MAGI2: variants seen among roughly 807,000 people sequenced by gnomAD.
The protein encoded by MAGI2 is membrane associated guanylate kinase, WW and PDZ domain containing 2.
MAGI2 carries 35 observed loss-of-function variants against 133.3 expected under a neutral mutation model. The observed-to-expected ratio is 0.26, with a 90% CI of 0.20 to 0.35. The LOEUF (loss-of-function observed/expected upper bound fraction) is 0.35, where lower values mean the gene tolerates loss of function less well. Ranked by LOEUF, MAGI2 falls within the 10% of genes least tolerant of loss-of-function variation. The probability of loss-of-function intolerance (pLI) is 1.00; values close to 1 mark genes in which losing one functional copy is unlikely to be tolerated. For missense variants in MAGI2, 1,636 were observed against 1,863.4 expected, an observed-to-expected ratio of 0.88 and a Z score of 2.25; for synonymous variants, 729 against 710.6, an observed-to-expected ratio of 1.03 and a Z score of -0.41.
intron 20 of MAGI2, among the ~76,000 whole-genome samples, chr7:78,099,101 T>C (rs948141548): frequency 4.6e-5 from 7 of 152,206 alleles, no homozygotes; most frequent in Non-Finnish European, 1.0e-4. Context: ...CTATGCTTTA[T>C]CTCTCTACTT....
At chr7:78,735,155 C>T (rs1264053907) in intron 2 of MAGI2, among the ~76,000 whole-genome samples, 2 of 152,086 alleles carry the variant, frequency 1.3e-5, no homozygotes, top group African/African-American at 4.8e-5. Context: ...TACAGATTGC[C>T]CAGTAGTTCT....
intron 10 of MAGI2, among the ~76,000 whole-genome samples, chr7:78,222,400 G>A (rs1365634089): frequency 2.6e-5 from 4 of 152,150 alleles, no homozygotes; most frequent in African/African-American, 9.7e-5. Context: ...CACATTTCCT[G>A]GGTCCTTATT....
intron 21 of MAGI2, among the ~76,000 whole-genome samples, chr7:78,033,472 C>CA (rs199985014): frequency 0.046 from 6,050 of 131,956 alleles, 224 homozygotes; most frequent in African/African-American, 0.078. Flanking sequence ...GAGCTTGTCT[C>CA]AAAAAAAAAA....
In MAGI2 at chr7:78,487,249, A is replaced by G. The variant is rs537288716; in HGVS notation, c.1045+2512T>C. 4 of 200,580 alleles carry G rather than the reference A, an allele frequency of 2.0e-5. No individual in the cohort carries two copies. In the Admixed American group the frequency reaches 2.1e-4, roughly 11 times the overall value. 12.4% of individuals were successfully genotyped at this position (200,580 alleles called of 1,614,324 possible). On this transcript the variant is annotated intron_variant, in intron 6 of 21. Coordinates refer to ENST00000354212, the MANE Select transcript of MAGI2 (RefSeq NM_012301.4). ...CTAAGGCTGCACAGGGAAGGGAAAGACTGGGCTTTGGAAAATCAAGAGGCA... is the reference window on the plus strand; with the variant it reads ...CTAAGGCTGCACAGGGAAGGGAAAGGCTGGGCTTTGGAAAATCAAGAGGCA...
chr7:78,590,011 A>T (rs186086077), intron 3 of MAGI2, among the ~76,000 whole-genome samples: 1 of 152,360 alleles, frequency 6.6e-6, no homozygotes, highest in Admixed American at 6.5e-5. Flanking sequence ...GTGTAAATTG[A>T]GATCAGGAAT....
chr7:78,560,032 G>A (rs1800246373), intron 3 of MAGI2, among the ~76,000 whole-genome samples: 2 of 152,118 alleles, frequency 1.3e-5, no homozygotes, highest in African/African-American at 4.8e-5. Context: ...CCAAAGGCAT[G>A]CAGCTTGAAG....
intron 12 of MAGI2, among the ~76,000 whole-genome samples, chr7:78,192,312 G>C (rs1296252840): frequency 6.6e-6 from 1 of 151,924 alleles, no homozygotes; most frequent in Non-Finnish European, 1.5e-5. Flanking sequence ...AATAGGAATG[G>C]TTCATAATCA....
At chr7:78,256,985 AAAAC>A (rs568184695) in intron 9 of MAGI2, among the ~76,000 whole-genome samples, 42 of 152,330 alleles carry the variant, frequency 2.8e-4, no homozygotes, top group African/African-American at 1.0e-3. Context: ...TTTTAGACGA[AAAAC>A]AAAGCCCTAG....
chr7:78,355,265 A>G (rs1033098409), intron 7 of MAGI2, among the ~76,000 whole-genome samples: 2 of 152,202 alleles, frequency 1.3e-5, no homozygotes, highest in Admixed American at 6.5e-5. Context: ...CTTAATAAAG[A>G]ACAGGAAAGG....
chr7:79,127,879 C>G (rs1820571834), intron 1 of MAGI2, among the ~76,000 whole-genome samples: 1 of 152,152 alleles, frequency 6.6e-6, no homozygotes, highest in Admixed American at 6.5e-5. Context: ...TTGCCCATGC[C>G]TATGTCCTGA....
At chr7:79,304,253 C>T (rs922384993) in intron 1 of MAGI2, among the ~76,000 whole-genome samples, 1 of 119,736 alleles carries the variant, frequency 8.4e-6, no homozygotes, top group African/African-American at 3.3e-5. Context: ...AGGTTAAAGC[C>T]GTTACCTATG....
intron 1 of MAGI2, among the ~76,000 whole-genome samples, chr7:79,332,968 A>G (rs1019731852): frequency 6.6e-6 from 1 of 152,138 alleles, no homozygotes; most frequent in African/African-American, 2.4e-5. Context: ...CAAATATTTT[A>G]TTTGAAAAAA....
At chr7:78,542,163 A>AAATACTCTT (rs1798464427) in intron 3 of MAGI2, among the ~76,000 whole-genome samples, 1 of 152,220 alleles carries the variant, frequency 6.6e-6, no homozygotes, top group Non-Finnish European at 1.5e-5. Flanking sequence ...TTCATTTAAA[A>AAATACTCTT]AATACTCTTT....
At chr7:78,701,451 T>TTAAA (rs1483192534) in intron 2 of MAGI2, among the ~76,000 whole-genome samples, 1 of 152,026 alleles carries the variant, frequency 6.6e-6, no homozygotes, top group Non-Finnish European at 1.5e-5. Flanking sequence ...ACCACAGTTT[T>TTAAA]TAAATACATT....
At chr7:78,660,372 G>A (rs1297407770) in intron 2 of MAGI2, among the ~76,000 whole-genome samples, 1 of 149,516 alleles carries the variant, frequency 6.7e-6, no homozygotes, top group African/African-American at 2.5e-5. Flanking sequence ...CATTATCTTA[G>A]GAAATTAGCA....
intron 10 of MAGI2, among the ~76,000 whole-genome samples, chr7:78,223,862 T>C (rs556421477): frequency 1.1e-3 from 165 of 149,494 alleles, no homozygotes; most frequent in African/African-American, 4.1e-3. Context: ...ATTATATTCA[T>C]CATCATTATT....
intron 2 of MAGI2, among the ~76,000 whole-genome samples, chr7:78,852,020 C>T (rs1405888116): frequency 6.6e-6 from 1 of 152,090 alleles, no homozygotes; most frequent in African/African-American, 2.4e-5. Context: ...TATATGAATG[C>T]TAATTGTTCC....
intron 9 of MAGI2, among the ~76,000 whole-genome samples, chr7:78,305,582 T>C (rs139640009): frequency 3.8e-4 from 58 of 152,300 alleles, no homozygotes; most frequent in African/African-American, 1.3e-3. Context: ...CCTTAGAAGT[T>C]GGTCACCATC....
At chr7:78,440,741 C>T (rs2151456986) in intron 6 of MAGI2, among the ~76,000 whole-genome samples, 1 of 152,122 alleles carries the variant, frequency 6.6e-6, no homozygotes, top group South Asian at 2.1e-4. Flanking sequence ...CACTTGAGGT[C>T]AGGAGTTTGA....
Sources: gnomAD v4.1 joint callset for allele counts (sites outside exome capture counted in the v4.1 genomes callset) on GRCh38, gnomAD v4.1.1 for gene constraint, MANE v1.5 for transcripts, NCBI Gene and HGNC (gene_info 2026-07-23, HGNC 2026-07-21) for gene names.